The following NEMP1 variants were observed in gnomAD, a reference collection of about 807,000 sequenced individuals.
NEMP1 encodes nuclear envelope integral membrane protein 1, also known as transmembrane protein 194.
A neutral mutation model predicts 53.7 loss-of-function variants in NEMP1; 29 were observed. That is an observed-to-expected ratio of 0.54 (90% confidence interval 0.40 to 0.74). NEMP1 has a LOEUF of 0.74. NEMP1 is among the 30% of genes least tolerant of loss of function. The probability of loss-of-function intolerance (pLI) is 0.00; values close to 1 mark genes in which losing one functional copy is unlikely to be tolerated. For missense variants in NEMP1, 477 were observed against 528.6 expected, an observed-to-expected ratio of 0.90 and a Z score of 0.96; for synonymous variants, 193 against 192.9, an observed-to-expected ratio of 1.00 and a Z score of 0.00.
chr12:57,064,862 T>A, intron 4 of NEMP1, 123 bp from the exon 5 acceptor site: 1 of 628,614 alleles, frequency 1.6e-6, no homozygotes, highest in Non-Finnish European at 2.6e-6. Flanking sequence ...AGTACAAGCA[T>A]CAGAGACATT....
intron 1 of NEMP1, among the ~76,000 whole-genome samples, chr12:57,075,706 C>T (rs2032580778): frequency 6.6e-6 from 1 of 151,794 alleles, no homozygotes; most frequent in African/African-American, 2.4e-5. Context: ...GTGGCTCACA[C>T]CTGTAATCCC....
chr12:57,073,057 G>T, intron 1 of NEMP1, 145 bp from the exon 2 acceptor site: 1 of 612,014 alleles, frequency 1.6e-6, no homozygotes, highest in Non-Finnish European at 2.6e-6. Flanking sequence ...AAACTGAGAA[G>T]AAGGAAGAAC....
chr12:57,064,237 C>A, intron 5 of NEMP1, 52 bp from the exon 6 acceptor site: 2 of 1,203,672 alleles, frequency 1.7e-6, no homozygotes, highest in South Asian at 1.4e-5. Flanking sequence ...GCTTTCCATA[C>A]ATAAAAGAAG....
chr12:57,072,497 CAT>C (rs2032402125), intron 2 of NEMP1, among the ~76,000 whole-genome samples: 1 of 152,176 alleles, frequency 6.6e-6, no homozygotes, highest in South Asian at 2.1e-4. Flanking sequence ...TGCACACACA[CAT>C]ACTGCAAAAT....
chr12:57,064,594 C>T (rs2031981468), intron 5 of NEMP1, 52 bp downstream of exon 5: 16 of 1,391,954 alleles, frequency 1.1e-5, no homozygotes, highest in African/African-American at 5.8e-5. Flanking sequence ...GGAAAACAGT[C>T]CTTCAGCTAT....
chr12:57,064,145 A>G lies in NEMP1; in HGVS notation c.680T>C (p.Phe227Ser). The G allele has an allele frequency of 1.9e-6, 3 of 1,610,730 alleles. No homozygotes were observed. The highest frequency in any genetic ancestry group is 2.5e-6 in the Non-Finnish European group (3 of 1,178,888). The change falls in exon 6 of 9, where the codon TTT (phenylalanine) becomes TCT (serine). Residue 227 changes from phenylalanine (F) to serine (S), a missense_variant. Coordinates refer to ENST00000300128, the MANE Select transcript of NEMP1 (RefSeq NM_001130963.2). ...AACTAGTTGAATGAGGTACAGAGAAAAAGACCAGCCTCCCACCAGGATGAC... is the reference window on the plus strand; with the variant it reads ...AACTAGTTGAATGAGGTACAGAGAAGAAGACCAGCCTCCCACCAGGATGAC... ...IYVILVGGWS[F>S]SLYLIQLVFK...
At position 57,060,900 on chromosome 12, in the gene NEMP1, C is replaced by G. The variant is rs1311490314; in HGVS notation, c.1026G>C (p.Leu342=). The part of the protein sequence containing the change: ...GAEKPVPPRL[L]TEEEYRIQGE... ...CTTGTATCCGATATTCTTCTTCTGT[C>G]AGGAGACGAGGGGGAACAGGCTTTT... The change falls in exon 8 of 9, where the codon CTG becomes CTC. Residue 342 remains leucine (L), a synonymous_variant. Transcript: ENST00000300128. 1.2e-6 allele frequency: 2 copies of G among 1,614,148 alleles called. No individual in the cohort carries two copies. Among genetic ancestry groups the G allele is most frequent in the East Asian group, 4.5e-5 (2 of 44,878 alleles).
At chr12:57,063,993 G>C (rs2031947220) in intron 6 of NEMP1, 78 bp downstream of exon 6, 1 of 840,522 alleles carries the variant, frequency 1.2e-6, no homozygotes, top group African/African-American at 1.8e-5. Context: ...CCCATAAGCA[G>C]GCAAAATCTT....
intron 7 of NEMP1, among the ~76,000 whole-genome samples, chr12:57,061,268 G>T (rs1166433393): frequency 1.3e-5 from 2 of 152,062 alleles, no homozygotes; most frequent in African/African-American, 4.8e-5. Flanking sequence ...ATATAAAAAT[G>T]CCTATAGAAA....
At chr12:57,075,991 C>G (rs111962425) in intron 1 of NEMP1, among the ~76,000 whole-genome samples, 3 of 152,112 alleles carry the variant, frequency 2.0e-5, no homozygotes, top group African/African-American at 7.2e-5. Context: ...GTAATCCCAG[C>G]TACTCGGGAG....
At chr12:57,070,528 T>C (rs1042983628) in intron 3 of NEMP1, 146 bp downstream of exon 3, 9 of 622,366 alleles carry the variant, frequency 1.4e-5, no homozygotes, top group Non-Finnish European at 2.4e-5. Flanking sequence ...CTCCATGAAC[T>C]GTTTAGAGCA....
At chr12:57,083,207 A>AAGATCACTGACCTT (rs2032899442), upstream of NEMP1, among the ~76,000 whole-genome samples, 1 of 152,176 alleles carries the variant, frequency 6.6e-6, no homozygotes, top group Non-Finnish European at 1.5e-5. Context: ...CTAATTTCAG[A>AAGATCACTGACCTT]AGATCACTGA....
chr12:57,069,889 G>C (rs1243997052), intron 3 of NEMP1, among the ~76,000 whole-genome samples: 1 of 149,866 alleles, frequency 6.7e-6, no homozygotes, highest in African/African-American at 2.5e-5. Context: ...AGAGTTCTAC[G>C]GGAGGCCCAC....
rs2031915019 is a variant in NEMP1 at position 57,063,363 on chromosome 12, G to A, written c.755-19C>T. The A allele has an allele frequency of 6.3e-7, 1 of 1,597,506 alleles. No homozygotes were observed. The highest frequency in any genetic ancestry group is 1.3e-5 in the African/African-American group (1 of 74,520). On this transcript the variant is annotated intron_variant, in intron 6 of 8. Transcript: ENST00000300128. ...ACATAACCTATGAGAAGAGTTATCA[G>A]AAGACATTCTTTTTCATCTATACTT... is the stretch of plus-strand genomic sequence containing the variant.
chr12:57,065,671 T>A (rs2032038551), intron 4 of NEMP1, among the ~76,000 whole-genome samples: 1 of 151,620 alleles, frequency 6.6e-6, no homozygotes, highest in African/African-American at 2.4e-5. Context: ...ATGACTTTTT[T>A]GTATTTTTTG....
intron 1 of NEMP1, among the ~76,000 whole-genome samples, chr12:57,075,500 C>CAATCAATA (rs541707237): frequency 6.9e-5 from 10 of 144,680 alleles, no homozygotes; most frequent in African/African-American, 2.0e-4. Flanking sequence ...ATCTCAATAT[C>CAATCAATA]AATAAATAAA....
At position 57,071,820 on chromosome 12, in the gene NEMP1, G is replaced by A. The variant is rs530816941; in HGVS notation, c.253-927C>T. 1.1e-3 allele frequency among the ~76,000 whole-genome samples: 172 copies of A among 150,404 alleles called. 1 individual carries two copies. The Middle Eastern group carries it at 0.017, about 15-fold the overall frequency. On this transcript the variant is annotated intron_variant, in intron 2 of 8. Transcript: ENST00000300128. ...AGCCTGGGTGACTGAGCGAGACTCC[G>A]TCTCAAAAAAAAAAAACAAATCCAC...
At position 57,057,939 on chromosome 12, in the gene NEMP1, T is replaced by A. The variant is rs1330494235; in HGVS notation, c.*1940A>T. ...TTATTTTTTAAAATAAACTTATGCT[T>A]AAATATGCTAGGTCTCAATTTCTAT... On this transcript the variant is annotated 3_prime_UTR_variant, in exon 9 of 9. Coordinates refer to ENST00000300128, the MANE Select transcript of NEMP1 (RefSeq NM_001130963.2). The A allele has an allele frequency of 6.6e-6, 1 of 152,212 alleles. No homozygotes were observed. The highest frequency in any genetic ancestry group is 1.5e-5 in the Non-Finnish European group (1 of 68,036). 9.4% of individuals were successfully genotyped at this position (152,212 alleles called of 1,614,324 possible).
At chr12:57,077,195 G>T (rs1415785554) in intron 1 of NEMP1, among the ~76,000 whole-genome samples, 1 of 151,886 alleles carries the variant, frequency 6.6e-6, no homozygotes, top group African/African-American at 2.4e-5. Context: ...AGCCGGGCGT[G>T]GTGGTGGGCG....
Sources: allele counts gnomAD v4.1 joint callset (sites outside exome capture counted in the v4.1 genomes callset), GRCh38; gene constraint gnomAD v4.1.1; transcripts MANE v1.5; gene names NCBI Gene and HGNC (gene_info 2026-07-23, HGNC 2026-07-21).